Variants in GABRG3 observed in about 807,000 individuals in gnomAD.
GABRG3 encodes gamma-aminobutyric acid receptor subunit gamma-3.
Under a neutral mutation model 48.8 loss-of-function variants are expected in GABRG3, and 25 were observed. The observed-to-expected ratio is 0.51, with a 90% CI of 0.37 to 0.72. GABRG3 has a LOEUF of 0.72. Ranked by LOEUF, GABRG3 falls within the 30% of genes least tolerant of loss-of-function variation. The pLI, the probability that GABRG3 is intolerant of heterozygous loss-of-function variation, is 0.00. For synonymous variants in GABRG3, 227 were observed against 217.6 expected, an observed-to-expected ratio of 1.04 and a Z score of -0.38; for missense variants, 394 against 577.9, an observed-to-expected ratio of 0.68 and a Z score of 3.26.
chr15:27,306,980 A>AACATGTTTATATATAAACATG (rs1892553854), intron 3 of GABRG3, among the ~76,000 whole-genome samples: 1 of 45,106 alleles, frequency 2.2e-5, no homozygotes. Context: ...AACATATATA[A>AACATGTTTATATATAAACATG]TATAAACATG....
intron 3 of GABRG3, among the ~76,000 whole-genome samples, chr15:27,298,803 A>G (rs948621444): frequency 5.9e-5 from 9 of 152,004 alleles, no homozygotes; most frequent in Non-Finnish European, 1.3e-4. Context: ...TGTCATCTAC[A>G]TTAGGTATTT....
chr15:27,106,348 T>C (rs192932411), intron 3 of GABRG3, among the ~76,000 whole-genome samples: 1 of 152,186 alleles, frequency 6.6e-6, no homozygotes, highest in East Asian at 1.9e-4. Context: ...GTAACCATTT[T>C]ATTATCTATA....
intron 3 of GABRG3, among the ~76,000 whole-genome samples, chr15:27,303,832 A>G (rs1039382757): frequency 6.6e-6 from 1 of 151,412 alleles, no homozygotes; most frequent in Non-Finnish European, 1.5e-5. Context: ...GTATATACAC[A>G]CAAATACAAA....
chr15:27,108,476 AG>A (rs1207197199), intron 3 of GABRG3, among the ~76,000 whole-genome samples: 2 of 152,212 alleles, frequency 1.3e-5, no homozygotes, highest in African/African-American at 4.8e-5. Flanking sequence ...TGGTCTATTA[AG>A]ATATACATTA....
intron 5 of GABRG3, among the ~76,000 whole-genome samples, chr15:27,434,050 A>G: frequency 6.6e-6 from 1 of 152,246 alleles, no homozygotes; most frequent in East Asian, 1.9e-4. Context: ...TGCTATGGAA[A>G]GGCCGTGATC....
At chr15:27,149,235 A>G (rs1898265506) in intron 3 of GABRG3, among the ~76,000 whole-genome samples, 1 of 152,274 alleles carries the variant, frequency 6.6e-6, no homozygotes, top group South Asian at 2.1e-4. Flanking sequence ...GAATAATTTC[A>G]TTTATAGTAA....
chr15:27,174,089 C>T (rs1327744756), intron 3 of GABRG3, among the ~76,000 whole-genome samples: 3 of 151,600 alleles, frequency 2.0e-5, no homozygotes, highest in Non-Finnish European at 4.4e-5. Context: ...CTAAAAAATA[C>T]GGACTTAAAA....
At chr15:27,503,392 C>T (rs1205106460) in intron 6 of GABRG3, among the ~76,000 whole-genome samples, 1 of 152,152 alleles carries the variant, frequency 6.6e-6, no homozygotes, top group Middle Eastern at 3.2e-3. Context: ...CCTTTTATAC[C>T]ACACCCACTT....
chr15:27,350,910 TATC>T (rs1454246064), intron 5 of GABRG3, among the ~76,000 whole-genome samples: 3 of 150,880 alleles, frequency 2.0e-5, no homozygotes, highest in Non-Finnish European at 3.0e-5. Flanking sequence ...TGTGTGTGTG[TATC>T]ATGTGTGTTT....
chr15:27,209,675 G>A (rs1952150971), intron 3 of GABRG3, among the ~76,000 whole-genome samples: 1 of 151,926 alleles, frequency 6.6e-6, no homozygotes, highest in Non-Finnish European at 1.5e-5. Context: ...GTCTCTGGAG[G>A]CCACCAGAGC....
At chr15:27,385,158 A>G (rs1895884284) in intron 5 of GABRG3, among the ~76,000 whole-genome samples, 1 of 152,120 alleles carries the variant, frequency 6.6e-6, no homozygotes, top group African/African-American at 2.4e-5. Flanking sequence ...TTCTTAAGAT[A>G]GCAAAACACT....
chr15:27,507,122 A>G (rs987919313), intron 6 of GABRG3, among the ~76,000 whole-genome samples: 7 of 152,200 alleles, frequency 4.6e-5, no homozygotes, highest in African/African-American at 1.7e-4. Flanking sequence ...ATATTTGGAA[A>G]ACTTCTAGTT....
chr15:27,228,481 T>C (rs1889695159), intron 3 of GABRG3, among the ~76,000 whole-genome samples: 1 of 152,204 alleles, frequency 6.6e-6, no homozygotes, highest in Admixed American at 6.5e-5. Flanking sequence ...GGCATTTAGG[T>C]TGATTTCATG....
At chr15:27,010,906 C>T (rs1438262994) in intron 2 of GABRG3, among the ~76,000 whole-genome samples, 5 of 152,042 alleles carry the variant, frequency 3.3e-5, no homozygotes, top group African/African-American at 1.2e-4. Context: ...AGTGCAATGG[C>T]GTAATCTTGG....
At chr15:27,468,677 G>A (rs909297868) in intron 5 of GABRG3, among the ~76,000 whole-genome samples, 11 of 152,104 alleles carry the variant, frequency 7.2e-5, no homozygotes, top group Admixed American at 3.3e-4. Context: ...GTATCACAGG[G>A]CTTGTGTTCA....
chr15:26,975,018 C>T lies in GABRG3; in HGVS notation c.54-1984C>T, dbSNP rs1861602303. On this transcript the variant is annotated intron_variant, in intron 1 of 9. Transcript: ENST00000615808. The surrounding 1 kb of genome is among the most constrained non-coding windows in gnomAD (Gnocchi z 4.6). The stretch of plus-strand genomic sequence containing the variant: ...CCTCCTGAATAGCCAGGACTACAGG[C>T]ATGTGCCACCATGCCCCGCTAATTT... 6.6e-6 allele frequency among the ~76,000 whole-genome samples: 1 copy of T among 151,740 alleles called. No individual in the cohort carries two copies. The highest frequency in any genetic ancestry group is 1.5e-5 in the Non-Finnish European group (1 of 67,928).
intron 9 of GABRG3, among the ~76,000 whole-genome samples, chr15:27,532,090 T>C (rs1432451191): frequency 6.6e-6 from 1 of 152,132 alleles, no homozygotes; most frequent in Non-Finnish European, 1.5e-5. Context: ...TCTCCCCACT[T>C]CAATATACAT....
chr15:27,273,525 A>G (rs927848124), intron 3 of GABRG3, among the ~76,000 whole-genome samples: 1 of 152,210 alleles, frequency 6.6e-6, no homozygotes, highest in African/African-American at 2.4e-5. Context: ...GAACAAAGGG[A>G]GCACAGAAGA....
chr15:27,298,783 C>T (rs1892090838), intron 3 of GABRG3, among the ~76,000 whole-genome samples: 1 of 151,814 alleles, frequency 6.6e-6, no homozygotes, highest in African/African-American at 2.4e-5. Context: ...GTTTGCTGCA[C>T]CCATCAACCT....
Sources: allele counts gnomAD v4.1 joint callset (sites outside exome capture counted in the v4.1 genomes callset), GRCh38; gene constraint gnomAD v4.1.1; non-coding constraint Gnocchi (gnomAD v3.1); transcripts MANE v1.5; gene names NCBI Gene and HGNC (gene_info 2026-07-23, HGNC 2026-07-21).